Variants in DLGAP1 observed in about 807,000 individuals in gnomAD.
The protein encoded by DLGAP1 is DLG associated protein 1.
A neutral mutation model predicts 90.8 loss-of-function variants in DLGAP1; 11 were observed. The observed-to-expected ratio is 0.12, with a 90% CI of 0.08 to 0.20. DLGAP1 has a LOEUF of 0.20. Ranked by LOEUF, DLGAP1 falls within the 10% of genes least tolerant of loss-of-function variation. DLGAP1 has a pLI of 1.00. For synonymous variants in DLGAP1, 558 were observed against 540.7 expected (o/e 1.03, Z -0.44); for missense variants, 1,050 against 1,333.8 (o/e 0.79, Z 3.31).
intron 2 of DLGAP1, among the ~76,000 whole-genome samples, chr18:4,057,679 TTCTC>T (rs1218936493): frequency 6.6e-6 from 1 of 152,208 alleles, no homozygotes; most frequent in East Asian, 1.9e-4. Flanking sequence ...GTCTCTCTCT[TTCTC>T]TCTCTGCTTT....
Position 4,020,025 on chromosome 18 carries a change from T to C in DLGAP1, c.-158-14824A>G, listed in dbSNP as rs991663076. Among the ~76,000 whole-genome samples, 16 of 152,352 alleles carry C rather than the reference T, an allele frequency of 1.1e-4. No individual in the cohort carries two copies. The East Asian group carries it at 2.7e-3, about 26-fold the overall frequency. On this transcript the variant is annotated intron_variant, in intron 2 of 12. Coordinates refer to ENST00000315677, the MANE Select transcript of DLGAP1 (RefSeq NM_004746.4). ...TTATGTAGATTTAAACATATTCTGA[T>C]TGGCAACTGGTTGAGTTTTTATCTA... is the stretch of plus-strand genomic sequence containing the variant.
At chr18:3,975,599 G>A (rs8098811) in intron 3 of DLGAP1, among the ~76,000 whole-genome samples, 59,232 of 151,734 alleles carry the variant, frequency 0.39, 11,731 homozygotes, top group Non-Finnish European at 0.42. Flanking sequence ...ATAGAAACTA[G>A]GGACTCAAAC....
intron 1 of DLGAP1, among the ~76,000 whole-genome samples, chr18:4,363,493 C>T (rs4485459): frequency 0.12 from 18,620 of 152,104 alleles, 1,277 homozygotes; most frequent in African/African-American, 0.18. Context: ...AGAAAATTTT[C>T]GCAACCTACT....
intron 1 of DLGAP1, among the ~76,000 whole-genome samples, chr18:4,276,784 G>T (rs1447282521): frequency 6.6e-6 from 1 of 152,042 alleles, no homozygotes; most frequent in Non-Finnish European, 1.5e-5. Flanking sequence ...TTAATATCTG[G>T]TACTCTAAAT....
intron 1 of DLGAP1, among the ~76,000 whole-genome samples, chr18:4,281,580 T>C (rs2079553676): frequency 6.6e-6 from 1 of 152,042 alleles, no homozygotes; most frequent in Non-Finnish European, 1.5e-5. Context: ...ATCTAGAAAA[T>C]TTGCACTGAT....
chr18:3,525,795 T>C (rs1157109925), intron 10 of DLGAP1, among the ~76,000 whole-genome samples: 1 of 152,210 alleles, frequency 6.6e-6, no homozygotes, highest in Non-Finnish European at 1.5e-5. Flanking sequence ...ATCTCTGGAA[T>C]GACAGAAACA....
Position 4,333,768 on chromosome 18 carries a change from C to T in DLGAP1, c.-267+121238G>A, listed in dbSNP as rs1940451. Among the ~76,000 whole-genome samples the T allele has an allele frequency of 8.9e-3, 1,345 of 151,156 alleles. 51 individuals are homozygous for T. Among genetic ancestry groups the T allele is most frequent in the African/African-American group, 0.03 (1,222 of 40,938 alleles). On this transcript the variant is annotated intron_variant, in intron 1 of 12. Coordinates refer to ENST00000315677, the MANE Select transcript of DLGAP1 (RefSeq NM_004746.4). ...CCCAGTAGCTGGAACTACAGGCGCC[C>T]ACCACCACGCCCGGCTATTTTCAGG...
chr18:3,813,934 A>G, intron 5 of DLGAP1, 125 bp downstream of exon 5: 1 of 884,098 alleles, frequency 1.1e-6, no homozygotes. Context: ...AGTCACAATC[A>G]ATGTACTGCA....
rs115863498 is a variant in DLGAP1, at chr18:3,922,289, A to G, written c.-72-42149T>C. On this transcript the variant is annotated intron_variant, in intron 3 of 12. Coordinates refer to ENST00000315677, the MANE Select transcript of DLGAP1 (RefSeq NM_004746.4). ...GTGAGGAAAAACAGGTTTGACAATT[A>G]TTTTTAGGATCTTGACAATGAATGA... 9.0e-3 allele frequency among the ~76,000 whole-genome samples: 1,365 copies of G among 152,326 alleles called. 11 individuals carry two copies. The highest frequency in any genetic ancestry group is 0.026 in the African/African-American group (1,090 of 41,578).
intron 4 of DLGAP1, among the ~76,000 whole-genome samples, chr18:3,820,333 G>A (rs1756644676): frequency 6.6e-6 from 1 of 152,208 alleles, no homozygotes; most frequent in Admixed American, 6.5e-5. Context: ...AGAGATTTGG[G>A]AGGAAAACTG....
At chr18:3,740,991 CCAT>C (rs1384833944) in intron 6 of DLGAP1, among the ~76,000 whole-genome samples, 1 of 122,696 alleles carries the variant, frequency 8.2e-6, no homozygotes, top group East Asian at 2.4e-4. Flanking sequence ...ACCACCACCA[CCAT>C]CACCTCACCA....
chr18:3,990,323 G>T (rs1340714294), intron 3 of DLGAP1, among the ~76,000 whole-genome samples: 1 of 152,056 alleles, frequency 6.6e-6, no homozygotes, highest in Non-Finnish European at 1.5e-5. Flanking sequence ...ATGAGTTCAT[G>T]TCCTTTGCAG....
chr18:4,353,805 T>C (rs1048793345), intron 1 of DLGAP1, among the ~76,000 whole-genome samples: 14 of 152,124 alleles, frequency 9.2e-5, no homozygotes, highest in African/African-American at 3.4e-4. Flanking sequence ...TCCTGAAGTT[T>C]AGTGTTGGGC....
At chr18:3,842,132 G>T (rs1378593119) in intron 4 of DLGAP1, among the ~76,000 whole-genome samples, 1 of 150,716 alleles carries the variant, frequency 6.6e-6, no homozygotes, top group Non-Finnish European at 1.5e-5. Flanking sequence ...GTGAGGGGTG[G>T]AGGGGGTTGT....
chr18:3,597,056 G>GTT (rs948681227), intron 7 of DLGAP1: 1 of 519,620 alleles, frequency 1.9e-6, no homozygotes, highest in Non-Finnish European at 3.8e-6. Flanking sequence ...CTGTGCAGCT[G>GTT]TTTTTCTTCT....
intron 1 of DLGAP1, among the ~76,000 whole-genome samples, chr18:4,434,738 G>A (rs999249177): frequency 2.0e-5 from 3 of 152,172 alleles, no homozygotes; most frequent in African/African-American, 7.2e-5. Flanking sequence ...ACCCAGAGGA[G>A]GTGGTATGTA....
intron 3 of DLGAP1, among the ~76,000 whole-genome samples, chr18:3,959,013 T>C (rs1456218964): frequency 6.6e-6 from 1 of 152,196 alleles, no homozygotes; most frequent in Non-Finnish European, 1.5e-5. Flanking sequence ...TTGCTGCTTC[T>C]ACCCACCAAA....
chr18:3,784,283 G>A (rs918120423), intron 5 of DLGAP1, among the ~76,000 whole-genome samples: 1 of 152,078 alleles, frequency 6.6e-6, no homozygotes, highest in Non-Finnish European at 1.5e-5. Flanking sequence ...ACCTCATCTC[G>A]GCTGCTTCTT....
chr18:4,125,733 G>A (rs538254775), intron 2 of DLGAP1, among the ~76,000 whole-genome samples: 2 of 152,198 alleles, frequency 1.3e-5, no homozygotes, highest in African/African-American at 4.8e-5. Context: ...AGTAACGGAC[G>A]TTGAAGAAAC....
Sources: allele counts gnomAD v4.1 joint callset (sites outside exome capture counted in the v4.1 genomes callset), GRCh38; gene constraint gnomAD v4.1.1; transcripts MANE v1.5; gene names NCBI Gene and HGNC (gene_info 2026-07-23, HGNC 2026-07-21).